Variants in MAF observed in about 807,000 individuals in gnomAD.
MAF encodes MAF bZIP transcription factor.
MAF carries 10 observed loss-of-function variants against 22.0 expected under a neutral mutation model. The observed-to-expected ratio is 0.45, with a 90% CI of 0.28 to 0.77. The LOEUF (loss-of-function observed/expected upper bound fraction) is 0.77, where lower values mean the gene tolerates loss of function less well. Ranked by LOEUF, MAF falls within the 30% of genes least tolerant of loss-of-function variation. MAF has a pLI of 0.12. For missense variants in MAF, 544 were observed against 548.4 expected (o/e 0.99, Z 0.08); for synonymous variants, 337 against 255.8 (o/e 1.32, Z -3.03).
At chr16:79,427,835 A>T in the MAF span, among the ~76,000 whole-genome samples, 1 of 152,102 alleles carries the variant, frequency 6.6e-6, no homozygotes, top group Non-Finnish European at 1.5e-5. Flanking sequence ...CCTTGTGAGA[A>T]AGAATCTGAT....
the MAF span, among the ~76,000 whole-genome samples, chr16:79,239,993 A>G: frequency 6.6e-6 from 1 of 151,998 alleles, no homozygotes; most frequent in South Asian, 2.1e-4. Flanking sequence ...AAGGCTTCAC[A>G]AAGTATTTAC....
At chr16:79,531,600 A>T in the MAF span, among the ~76,000 whole-genome samples, 2 of 152,164 alleles carry the variant, frequency 1.3e-5, no homozygotes, top group Admixed American at 1.3e-4. Context: ...TTAGATTCTC[A>T]TAAGGAGGGC....
At chr16:79,524,645 T>C in the MAF span, among the ~76,000 whole-genome samples, 16 of 152,240 alleles carry the variant, frequency 1.1e-4, no homozygotes, top group African/African-American at 3.1e-4. Flanking sequence ...TTGTTTAGAA[T>C]TCTGGTTTTC....
chr16:79,372,616 G>A, the MAF span, among the ~76,000 whole-genome samples: 3 of 152,150 alleles, frequency 2.0e-5, no homozygotes, highest in Non-Finnish European at 2.9e-5. Flanking sequence ...CCACTTCAAC[G>A]AGGCAGGCTG....
At chr16:79,251,472 C>T in the MAF span, among the ~76,000 whole-genome samples, 1 of 152,000 alleles carries the variant, frequency 6.6e-6, no homozygotes, top group Non-Finnish European at 1.5e-5. Flanking sequence ...CCTGCCACCA[C>T]ATCTGGCCAA....
the MAF span, among the ~76,000 whole-genome samples, chr16:79,214,314 CTGACT>C: frequency 2.0e-5 from 3 of 152,154 alleles, no homozygotes; most frequent in South Asian, 2.1e-4. Flanking sequence ...AGCAAACTTA[CTGACT>C]TAATAAATAA....
At chr16:79,253,393 G>C in the MAF span, among the ~76,000 whole-genome samples, 1 of 151,976 alleles carries the variant, frequency 6.6e-6, no homozygotes, top group Non-Finnish European at 1.5e-5. Flanking sequence ...TATGAGCAAG[G>C]TTCACTTAAA....
chr16:79,587,351 T>G (rs890746512), intron 1 of MAF, among the ~76,000 whole-genome samples: 2 of 151,974 alleles, frequency 1.3e-5, no homozygotes, highest in Non-Finnish European at 2.9e-5. Context: ...AACCTGGAAG[T>G]GTATCAGTAT....
At chr16:79,588,721 C>A (rs973753659) in intron 1 of MAF, among the ~76,000 whole-genome samples, 1 of 152,118 alleles carries the variant, frequency 6.6e-6, no homozygotes. Flanking sequence ...CTGGGCCTCC[C>A]ACAGTGCTGG....
chr16:79,442,347 A>T, the MAF span, among the ~76,000 whole-genome samples: 2 of 152,008 alleles, frequency 1.3e-5, no homozygotes, highest in African/African-American at 4.8e-5. Context: ...GAGTCCACAG[A>T]ATATCCTTTT....
the MAF span, among the ~76,000 whole-genome samples, chr16:79,490,803 A>G: frequency 0.36 from 54,857 of 152,088 alleles, 10,243 homozygotes; most frequent in East Asian, 0.53. Flanking sequence ...AGGTAACACA[A>G]TTCTGCTATT....
the MAF span, among the ~76,000 whole-genome samples, chr16:79,499,490 T>G: frequency 4.6e-5 from 7 of 152,296 alleles, no homozygotes; most frequent in Admixed American, 2.0e-4. Context: ...TCCCTAAAAT[T>G]CATATGTTGA....
the MAF span, among the ~76,000 whole-genome samples, chr16:79,257,624 G>A: frequency 6.6e-6 from 1 of 152,266 alleles, no homozygotes; most frequent in South Asian, 2.1e-4. Context: ...TAATGTCTCT[G>A]TGCCTTGGGC....
the MAF span, among the ~76,000 whole-genome samples, chr16:79,560,973 G>A: frequency 1.3e-5 from 2 of 152,156 alleles, no homozygotes; most frequent in East Asian, 3.9e-4. Flanking sequence ...ACCCATCCTT[G>A]CCTAGGGGAT....
At chr16:79,423,108 C>G in the MAF span, among the ~76,000 whole-genome samples, 3 of 152,050 alleles carry the variant, frequency 2.0e-5, no homozygotes, top group Non-Finnish European at 4.4e-5. Context: ...AAATACAGGG[C>G]GTTCAGTTAA....
chr16:79,579,281 T>C, the MAF span, among the ~76,000 whole-genome samples: 13 of 152,220 alleles, frequency 8.5e-5, no homozygotes, highest in Admixed American at 7.9e-4. Context: ...TTATATCCCA[T>C]CAATGTATCC....
chr16:79,228,674 G>C, the MAF span, among the ~76,000 whole-genome samples: 1 of 152,034 alleles, frequency 6.6e-6, no homozygotes, highest in South Asian at 2.1e-4. Context: ...TAGAGGAAAA[G>C]AGCTCTCTGC....
rs1359219243 is a variant in MAF, at chr16:79,600,220, G to A, written c.-318C>T. On this transcript the variant is annotated 5_prime_UTR_variant, in exon 1 of 2. Transcript: ENST00000326043. ...CTTCAGGCTCGGGAAGATCCTCCGCGAGCTGCGGTGGCGGCGGTGGTGGCT... is the reference window on the plus strand; with the variant it reads ...CTTCAGGCTCGGGAAGATCCTCCGCAAGCTGCGGTGGCGGCGGTGGTGGCT... The A allele has an allele frequency of 6.9e-6, 2 of 290,152 alleles. No homozygotes were observed. Among genetic ancestry groups the A allele is most frequent in the East Asian group, 6.0e-5 (1 of 16,590 alleles). 18.0% of individuals were successfully genotyped at this position (290,152 alleles called of 1,614,324 possible). A position where few individuals can be genotyped will look rare whatever the true frequency, so the allele number is the denominator to read the frequency against.
chr16:79,341,837 A>G, the MAF span, among the ~76,000 whole-genome samples: 1 of 152,024 alleles, frequency 6.6e-6, no homozygotes, highest in African/African-American at 2.4e-5. Context: ...GAGAGTTGAG[A>G]CTCATCCTGC....
Sources: gnomAD v4.1 joint callset for allele counts (sites outside exome capture counted in the v4.1 genomes callset) on GRCh38, gnomAD v4.1.1 for gene constraint, MANE v1.5 for transcripts, NCBI Gene and HGNC (gene_info 2026-07-23, HGNC 2026-07-21) for gene names.